PPP2R2B: variants seen among roughly 807,000 people sequenced by gnomAD.
PPP2R2B encodes serine/threonine-protein phosphatase 2A 55 kDa regulatory subunit B beta isoform.
PPP2R2B carries 5 observed loss-of-function variants against 46.0 expected under a neutral mutation model. The observed-to-expected ratio is 0.11, with a 90% CI of 0.06 to 0.23. The LOEUF is 0.23. Among genes scored for constraint, PPP2R2B ranks in the 10% least tolerant of loss-of-function variants. The probability of loss-of-function intolerance (pLI) is 1.00; values close to 1 mark genes in which losing one functional copy is unlikely to be tolerated. For synonymous variants in PPP2R2B, 215 were observed against 206.7 expected, an observed-to-expected ratio of 1.04 and a Z score of -0.34; for missense variants, 367 against 575.0, an observed-to-expected ratio of 0.64 and a Z score of 3.70.
chr5:146,864,957 A>G (rs531753172), intron 2 of PPP2R2B, among the ~76,000 whole-genome samples: 1 of 152,298 alleles, frequency 6.6e-6, no homozygotes, highest in South Asian at 2.1e-4. Flanking sequence ...TTAGAAGGTA[A>G]TTTAGTCCTA....
chr5:147,067,949 A>G (rs1467682552), intron 2 of PPP2R2B, among the ~76,000 whole-genome samples: 1 of 152,154 alleles, frequency 6.6e-6, no homozygotes, highest in African/African-American at 2.4e-5. Context: ...AACCCTCTAC[A>G]GGTGTTTATT....
chr5:146,713,033 A>G (rs1352942109), intron 2 of PPP2R2B, among the ~76,000 whole-genome samples: 1 of 152,240 alleles, frequency 6.6e-6, no homozygotes, highest in African/African-American at 2.4e-5. Flanking sequence ...ATCAATGAAC[A>G]TATTAAATTA....
At chr5:147,056,162 T>C (rs1757076434), upstream of PPP2R2B, 2 of 994,494 alleles carry the variant, frequency 2.0e-6, no homozygotes, top group South Asian at 8.4e-5. Flanking sequence ...TAAGTGACCA[T>C]CTCTTATTTA....
chr5:146,784,535 G>A (rs1009506931), intron 2 of PPP2R2B, among the ~76,000 whole-genome samples: 6 of 152,064 alleles, frequency 3.9e-5, no homozygotes, highest in Admixed American at 2.0e-4. Flanking sequence ...ATACCTTCTC[G>A]TAATAGTAAA....
At chr5:146,695,801 G>A (rs964706438) in intron 4 of PPP2R2B, among the ~76,000 whole-genome samples, 2 of 152,050 alleles carry the variant, frequency 1.3e-5, no homozygotes, top group Non-Finnish European at 2.9e-5. Flanking sequence ...CTTTTGTACA[G>A]TAATTCCAAT....
intron 1 of PPP2R2B, among the ~76,000 whole-genome samples, chr5:146,964,666 C>T (rs1035789684): frequency 6.6e-5 from 10 of 152,136 alleles, no homozygotes; most frequent in Non-Finnish European, 1.2e-4. Context: ...GCTGGGACTA[C>T]AGGCTCCCGC....
chr5:146,933,319 T>C (rs1764027836), intron 1 of PPP2R2B, among the ~76,000 whole-genome samples: 1 of 152,140 alleles, frequency 6.6e-6, no homozygotes, highest in African/African-American at 2.4e-5. Context: ...TTAAGTAGAA[T>C]AGCACAAAGT....
At chr5:146,702,461 C>T (rs1412188682) in intron 2 of PPP2R2B, among the ~76,000 whole-genome samples, 1 of 152,018 alleles carries the variant, frequency 6.6e-6, no homozygotes, top group African/African-American at 2.4e-5. Flanking sequence ...ATAGCAAATA[C>T]AAAGGCCTGC....
At chr5:146,811,863 A>G (rs1404984351) in intron 2 of PPP2R2B, among the ~76,000 whole-genome samples, 2 of 151,284 alleles carry the variant, frequency 1.3e-5, no homozygotes, top group South Asian at 2.1e-4. Flanking sequence ...CACCGTGCCC[A>G]GCCAGAATCA....
At chr5:146,838,392 T>A (rs934791295) in intron 2 of PPP2R2B, among the ~76,000 whole-genome samples, 1 of 151,802 alleles carries the variant, frequency 6.6e-6, no homozygotes, top group African/African-American at 2.4e-5. Context: ...GCCAACATGG[T>A]GGATCCCTGT....
intron 1 of PPP2R2B, among the ~76,000 whole-genome samples, chr5:146,900,337 G>A (rs967612521): frequency 3.9e-5 from 6 of 152,104 alleles, no homozygotes; most frequent in African/African-American, 1.4e-4. Context: ...CCAGCTCATA[G>A]GGAAAAGAAG....
Position 146,589,931 on chromosome 5 carries a change from G to C in PPP2R2B, c.*16C>G, listed in dbSNP as rs202230823. The C allele has an allele frequency of 1.9e-6, 3 of 1,607,668 alleles. No individual in the cohort carries two copies. The highest frequency in any genetic ancestry group is 2.6e-6 in the Non-Finnish European group (3 of 1,174,592). On this transcript the variant is annotated 3_prime_UTR_variant, in exon 10 of 10. Transcript: ENST00000394411. ...AGTATTCAGTATGTGAGATTATTAA[G>C]TAATAACTTGTCCACCTAGTTAACC... is the stretch of plus-strand genomic sequence containing the variant.
intron 2 of PPP2R2B, among the ~76,000 whole-genome samples, chr5:146,761,495 C>T (rs931157535): frequency 2.0e-5 from 3 of 152,128 alleles, no homozygotes; most frequent in African/African-American, 7.2e-5. Context: ...AGGGGAACAT[C>T]ACACACTGGG....
chr5:146,741,273 G>C (rs956108149), intron 2 of PPP2R2B, among the ~76,000 whole-genome samples: 2 of 152,306 alleles, frequency 1.3e-5, no homozygotes, highest in African/African-American at 4.8e-5. Context: ...GACACTAAGA[G>C]AGTACAGGAC....
chr5:146,628,006 A>G (rs1189559061), intron 7 of PPP2R2B, among the ~76,000 whole-genome samples: 1 of 151,410 alleles, frequency 6.6e-6, no homozygotes, highest in Non-Finnish European at 1.5e-5. Flanking sequence ...GTGCAGTGGC[A>G]CAATCTCAGC....
Position 146,587,771 on chromosome 5 carries a change from A to G in PPP2R2B, c.*2176T>C, listed in dbSNP as rs1770240875. ...ATGTTAGGGAAAAACCTAGCATATC[A>G]GAGTTGAAATTTCATGCATATTATT... is the stretch of plus-strand genomic sequence containing the variant. On this transcript the variant is annotated 3_prime_UTR_variant, in exon 10 of 10. Transcript: ENST00000394411. 6.6e-6 allele frequency: 1 copy of G among 152,250 alleles called. No individual in the cohort carries two copies. Among genetic ancestry groups the G allele is most frequent in the Admixed American group, 6.5e-5 (1 of 15,290 alleles). 9.4% of individuals were successfully genotyped at this position (152,250 alleles called of 1,614,324 possible). A position where few individuals can be genotyped will look rare whatever the true frequency, so the allele number is the denominator to read the frequency against.
At chr5:146,835,146 CGAA>C (rs1239614620) in intron 2 of PPP2R2B, among the ~76,000 whole-genome samples, 4 of 151,906 alleles carry the variant, frequency 2.6e-5, no homozygotes, top group Non-Finnish European at 5.9e-5. Flanking sequence ...AAAATAATCT[CGAA>C]GATTTATGAG....
intron 6 of PPP2R2B, 116 bp downstream of exon 6, chr5:146,650,431 C>G: frequency 1.1e-6 from 1 of 925,252 alleles, no homozygotes; most frequent in Non-Finnish European, 1.6e-6. Context: ...TTAAAAGGGG[C>G]AAGTTCTCCG....
chr5:146,906,025 T>A (rs1406845188), intron 1 of PPP2R2B, among the ~76,000 whole-genome samples: 1 of 152,140 alleles, frequency 6.6e-6, no homozygotes, highest in African/African-American at 2.4e-5. Flanking sequence ...TAAGCAGGAT[T>A]GAAACAATTT....
Sources: allele counts gnomAD v4.1 joint callset (sites outside exome capture counted in the v4.1 genomes callset), GRCh38; gene constraint gnomAD v4.1.1; transcripts MANE v1.5; gene names NCBI Gene and HGNC (gene_info 2026-07-23, HGNC 2026-07-21).